Variants in POLN observed in about 807,000 individuals in gnomAD.
The protein encoded by POLN is DNA polymerase nu, also known as DNA polymerase N.
POLN carries 108 observed loss-of-function variants against 113.5 expected under a neutral mutation model. The observed-to-expected ratio is 0.95, with a 90% CI of 0.81 to 1.12. The LOEUF (loss-of-function observed/expected upper bound fraction) is 1.12, where lower values mean the gene tolerates loss of function less well. Among genes scored for constraint, POLN ranks in the 50% most tolerant of loss-of-function variants. POLN has a pLI of 0.00. For missense variants in POLN, 1,097 were observed against 1,077.1 expected, an observed-to-expected ratio of 1.02 and a Z score of -0.26; for synonymous variants, 386 against 391.5, an observed-to-expected ratio of 0.99 and a Z score of 0.17.
At chr4:2,135,563 A>G (rs1475852888) in intron 16 of POLN, among the ~76,000 whole-genome samples, 1 of 152,260 alleles carries the variant, frequency 6.6e-6, no homozygotes, top group Non-Finnish European at 1.5e-5. Context: ...GCATGTTCAC[A>G]GGTGTCTACG....
intron 16 of POLN, among the ~76,000 whole-genome samples, chr4:2,134,297 T>C (rs953656787): frequency 3.3e-5 from 5 of 152,222 alleles, no homozygotes; most frequent in African/African-American, 4.8e-5. Flanking sequence ...TTTTTGGTGA[T>C]TATGAATAAA....
intron 16 of POLN, among the ~76,000 whole-genome samples, chr4:2,150,056 C>G (rs1324024253): frequency 6.6e-6 from 1 of 151,932 alleles, no homozygotes; most frequent in Non-Finnish European, 1.5e-5. Flanking sequence ...GCACTCCAGC[C>G]TGGGCAACAG....
At chr4:2,195,717 A>G (rs1733556736) in intron 6 of POLN, among the ~76,000 whole-genome samples, 1 of 152,070 alleles carries the variant, frequency 6.6e-6, no homozygotes, top group Admixed American at 6.6e-5. Flanking sequence ...CTCCAGCCTC[A>G]AGCCATCCTC....
chr4:2,172,964 A>G (rs1732900803), intron 11 of POLN, among the ~76,000 whole-genome samples: 1 of 152,222 alleles, frequency 6.6e-6, no homozygotes, highest in Non-Finnish European at 1.5e-5. Flanking sequence ...GAAACTCCAC[A>G]GCACTGAGTG....
At chr4:2,155,384 C>G (rs1274634316) in intron 16 of POLN, among the ~76,000 whole-genome samples, 2 of 152,250 alleles carry the variant, frequency 1.3e-5, no homozygotes, top group African/African-American at 4.8e-5. Flanking sequence ...AGCCCGAGAG[C>G]TGACTGACCA....
At chr4:2,153,169 A>G (rs1285589271) in intron 16 of POLN, among the ~76,000 whole-genome samples, 2 of 152,250 alleles carry the variant, frequency 1.3e-5, no homozygotes, top group East Asian at 3.8e-4. Flanking sequence ...TGAGAGCAAA[A>G]AGCAAGAGGC....
At chr4:2,206,526 T>C (rs1364687236) in intron 5 of POLN, among the ~76,000 whole-genome samples, 1 of 152,140 alleles carries the variant, frequency 6.6e-6, no homozygotes, top group Non-Finnish European at 1.5e-5. Context: ...ATCCAGAATC[T>C]ACAATGACTC....
intron 7 of POLN, among the ~76,000 whole-genome samples, chr4:2,187,794 G>A (rs1733316616): frequency 6.6e-6 from 1 of 152,044 alleles, no homozygotes; most frequent in South Asian, 2.1e-4. Flanking sequence ...GAGGGAGTGG[G>A]ATAACCTATT....
intron 4 of POLN, among the ~76,000 whole-genome samples, chr4:2,210,529 C>T (rs1049105038): frequency 6.7e-6 from 1 of 150,054 alleles, no homozygotes; most frequent in Middle Eastern, 3.5e-3. Context: ...TACAGTGAGC[C>T]GTGGTCACAC....
chr4:2,235,999 CTT>C (rs1162312548), intron 2 of POLN, among the ~76,000 whole-genome samples: 1 of 151,948 alleles, frequency 6.6e-6, no homozygotes, highest in African/African-American at 2.4e-5. Flanking sequence ...ATTACATATT[CTT>C]TTGTGTCTGA....
chr4:2,142,879 G>C (rs946272846), intron 16 of POLN, among the ~76,000 whole-genome samples: 2 of 92,370 alleles, frequency 2.2e-5, no homozygotes, highest in African/African-American at 8.5e-5. Context: ...AGATTTTTTT[G>C]GTAATTTTCC....
intron 20 of POLN, chr4:2,088,633 C>T: frequency 4.6e-6 from 3 of 648,358 alleles, no homozygotes; most frequent in Non-Finnish European, 6.7e-6. Context: ...AATTTGAATC[C>T]CATAATATAA....
intron 12 of POLN, 54 bp from the exon 13 acceptor site, chr4:2,170,828 G>T: frequency 9.4e-6 from 14 of 1,488,972 alleles, no homozygotes; most frequent in Middle Eastern, 1.7e-4. Context: ...GAGAGAAACA[G>T]AACATTACTA....
At chr4:2,227,924 T>C (rs2108773060) in intron 3 of POLN, 1 of 152,346 alleles carries the variant, frequency 6.6e-6, no homozygotes, top group South Asian at 2.1e-4. Context: ...GATAGTGTCT[T>C]ACACTATCAA....
chr4:2,205,345 G>A (rs1285673438), intron 5 of POLN, among the ~76,000 whole-genome samples: 1 of 151,944 alleles, frequency 6.6e-6, no homozygotes, highest in African/African-American at 2.4e-5. Context: ...TACAATAGCT[G>A]CAAAAAAATA....
chr4:2,201,491 C>T (rs1214462941), intron 5 of POLN, among the ~76,000 whole-genome samples: 2 of 151,458 alleles, frequency 1.3e-5, no homozygotes, highest in Admixed American at 6.6e-5. Flanking sequence ...CCCAATCCAA[C>T]AAAGACAAAG....
intron 19 of POLN, among the ~76,000 whole-genome samples, chr4:2,096,170 G>A (rs766061599): frequency 4.6e-5 from 7 of 152,300 alleles, no homozygotes; most frequent in Non-Finnish European, 1.0e-4. Context: ...ACCACCCCAC[G>A]TTCCCAGGTG....
chr4:2,078,433 C>G (rs928302004), intron 23 of POLN: 1 of 393,216 alleles, frequency 2.5e-6, no homozygotes, highest in African/African-American at 2.2e-5. Flanking sequence ...CCCAGCCCAC[C>G]TGGGCAGACC....
At chr4:2,204,028 G>C (rs908882167) in intron 5 of POLN, among the ~76,000 whole-genome samples, 3 of 140,252 alleles carry the variant, frequency 2.1e-5, no homozygotes, top group African/African-American at 8.1e-5. Flanking sequence ...AGAATCACTT[G>C]AACCCGGGAG....
Sources: allele counts gnomAD v4.1 joint callset (sites outside exome capture counted in the v4.1 genomes callset), GRCh38; gene constraint gnomAD v4.1.1; transcripts MANE v1.5; gene names NCBI Gene and HGNC (gene_info 2026-07-23, HGNC 2026-07-21).